AKAP6: variants seen among roughly 807,000 people sequenced by gnomAD.
AKAP6 encodes the protein A-kinase anchor protein 6.
In AKAP6, 58 loss-of-function variants were observed where a neutral mutation model predicts 188.5. That is an observed-to-expected ratio of 0.31 (90% CI 0.25 to 0.38). The LOEUF (loss-of-function observed/expected upper bound fraction) is 0.38. Among genes scored for constraint, AKAP6 ranks in the 10% least tolerant of loss-of-function variants. The pLI, the probability that AKAP6 is intolerant of heterozygous loss-of-function variation, is 1.00. For missense variants in AKAP6, 2,710 were observed against 2,740.0 expected (o/e 0.99, Z 0.24); for synonymous variants, 989 against 998.6 (o/e 0.99, Z 0.18).
At chr14:32,449,932 T>C (rs1890881708) in intron 2 of AKAP6, among the ~76,000 whole-genome samples, 1 of 152,186 alleles carries the variant, frequency 6.6e-6, no homozygotes, top group Non-Finnish European at 1.5e-5. Context: ...CAGCTTTTAA[T>C]GGCTGGAATG....
intron 2 of AKAP6, among the ~76,000 whole-genome samples, chr14:32,455,616 C>G (rs1891123677): frequency 6.6e-6 from 1 of 152,156 alleles, no homozygotes; most frequent in African/African-American, 2.4e-5. Context: ...GAGATTCTTC[C>G]TTGAAAATTA....
intron 11 of AKAP6, among the ~76,000 whole-genome samples, chr14:32,758,208 C>T (rs2032410652): frequency 6.6e-6 from 1 of 152,118 alleles, no homozygotes; most frequent in South Asian, 2.1e-4. Context: ...ACTTAGCCTC[C>T]TTATTCCGAA....
At chr14:32,521,157 C>G (rs140446131) in intron 2 of AKAP6, among the ~76,000 whole-genome samples, 2,839 of 152,192 alleles carry the variant, frequency 0.019, 70 homozygotes, top group African/African-American at 0.053. Flanking sequence ...TAAAAACTCT[C>G]AATAAATTAG....
chr14:32,707,574 G>A (rs1476333455), intron 9 of AKAP6, among the ~76,000 whole-genome samples: 1 of 152,030 alleles, frequency 6.6e-6, no homozygotes, highest in East Asian at 1.9e-4. Flanking sequence ...CCACGTGGAG[G>A]ATTCGTGTTA....
intron 7 of AKAP6, among the ~76,000 whole-genome samples, chr14:32,629,966 G>A (rs558906805): frequency 1.3e-5 from 2 of 152,118 alleles, no homozygotes; most frequent in Middle Eastern, 3.4e-3. Flanking sequence ...ACTTACTAAA[G>A]CGTTAGTTTG....
At chr14:32,434,092 G>T in intron 2 of AKAP6, 1 of 362,900 alleles carries the variant, frequency 2.8e-6, no homozygotes. Flanking sequence ...ATCAAAATAA[G>T]TTACACAGAA....
At chr14:32,755,034 A>G (rs1012388835) in intron 11 of AKAP6, among the ~76,000 whole-genome samples, 1 of 152,134 alleles carries the variant, frequency 6.6e-6, no homozygotes, top group Non-Finnish European at 1.5e-5. Context: ...CTGAATGTTC[A>G]TGTCCCTCTT....
rs149210712 is a variant in AKAP6 at position 32,692,993 on chromosome 14, C to T, written c.2880-2997C>T. Among the ~76,000 whole-genome samples, 454 of 152,270 alleles carry T rather than the reference C, an allele frequency of 3.0e-3. 5 individuals carry two copies. Among genetic ancestry groups the T allele is most frequent in the African/African-American group, 0.011 (441 of 41,542 alleles). On this transcript the variant is annotated intron_variant, in intron 8 of 13. Transcript: ENST00000280979. ...TCTTTAGGAAATACTCTCTTGGGATCAATACTCTGTTTTTCAGATTTTCTA... is the reference window on the plus strand; with the variant it reads ...TCTTTAGGAAATACTCTCTTGGGATTAATACTCTGTTTTTCAGATTTTCTA...
chr14:32,637,058 A>G (rs1887524680), intron 7 of AKAP6, among the ~76,000 whole-genome samples: 1 of 152,130 alleles, frequency 6.6e-6, no homozygotes, highest in Non-Finnish European at 1.5e-5. Context: ...TCCTTGGCCT[A>G]GCCTATCATC....
rs1311539793 is a variant in AKAP6 at position 32,732,523 on chromosome 14, A to G, written c.3070A>G (p.Lys1024Glu). The G allele has an allele frequency of 4.3e-6, 7 of 1,613,542 alleles. No homozygotes were observed. The highest frequency in any genetic ancestry group is 5.9e-6 in the Non-Finnish European group (7 of 1,179,672). Residue 1024 changes from lysine to glutamate, a missense_variant, in exon 10 of 14, where the codon AAG becomes GAG. By Grantham distance (56) the Lys-to-Glu change is moderately conservative (BLOSUM62 1). This residue lies in a region of AKAP6 where 2,473 missense variants were observed against 2,426.1 expected (regional missense o/e 1.02). Transcript: ENST00000280979. Reference protein sequence around the residue: ...TELLSKVEALKKGGVLLPNDL... With the variant: ...TELLSKVEALEKGGVLLPNDL... ...GCTGCTTAGTAAGGTTGAAGCTTTG[A>G]AGAAAGGTGGCGTTTTACTACCAAA...
chr14:32,445,317 CT>C (rs1890720995), intron 2 of AKAP6, among the ~76,000 whole-genome samples: 1 of 152,076 alleles, frequency 6.6e-6, no homozygotes, highest in Non-Finnish European at 1.5e-5. Flanking sequence ...AAAATGTCAT[CT>C]GCTTGGTTAA....
rs556152913 is a variant in AKAP6 at position 32,581,002 on chromosome 14, G to T, written c.2469+3760G>T. ...AGTCTTTGCTATTGTGAATAGTGCCGCAATAAACATACGTGTGCATGTGTC... is the reference window on the plus strand; with the variant it reads ...AGTCTTTGCTATTGTGAATAGTGCCTCAATAAACATACGTGTGCATGTGTC... On this transcript the variant is annotated intron_variant, in intron 5 of 13. Coordinates refer to ENST00000280979, the MANE Select transcript of AKAP6 (RefSeq NM_004274.5). Among the ~76,000 whole-genome samples the T allele has an allele frequency of 7.2e-5, 11 of 152,146 alleles. No individual in the cohort carries two copies. The East Asian group carries it at 1.5e-3, about 21-fold the overall frequency.
intron 9 of AKAP6, among the ~76,000 whole-genome samples, chr14:32,701,795 G>A (rs988223559): frequency 5.9e-5 from 9 of 151,924 alleles, no homozygotes; most frequent in African/African-American, 1.5e-4. Flanking sequence ...ACTAATTTCC[G>A]ATGTGATTTG....
chr14:32,757,205 A>T (rs947343980), intron 11 of AKAP6, among the ~76,000 whole-genome samples: 1 of 152,178 alleles, frequency 6.6e-6, no homozygotes, highest in Non-Finnish European at 1.5e-5. Context: ...CAAGTGCTGT[A>T]ATCTCTCATC....
chr14:32,630,006 A>G (rs1308310076), intron 7 of AKAP6, among the ~76,000 whole-genome samples: 3 of 152,122 alleles, frequency 2.0e-5, no homozygotes, highest in African/African-American at 7.2e-5. Context: ...GGAAAAGAAA[A>G]CTGCCTCCCA....
At chr14:32,643,736 T>C (rs555738009) in intron 7 of AKAP6, among the ~76,000 whole-genome samples, 42 of 152,318 alleles carry the variant, frequency 2.8e-4, no homozygotes, top group Non-Finnish European at 4.6e-4. Flanking sequence ...GTTTTCCTTA[T>C]GCCAACTGTA....
intron 12 of AKAP6, among the ~76,000 whole-genome samples, chr14:32,817,920 A>G (rs1335554720): frequency 6.6e-6 from 1 of 152,092 alleles, no homozygotes; most frequent in Non-Finnish European, 1.5e-5. Flanking sequence ...TTTTTTCCCA[A>G]AGAGAACTTT....
chr14:32,706,763 T>C (rs987094163), intron 9 of AKAP6, among the ~76,000 whole-genome samples: 2 of 152,070 alleles, frequency 1.3e-5, no homozygotes, highest in African/African-American at 2.4e-5. Context: ...GAAGGAGTGG[T>C]CTTCCTGCTG....
At chr14:32,758,710 G>C (rs2032433045) in intron 11 of AKAP6, among the ~76,000 whole-genome samples, 1 of 152,066 alleles carries the variant, frequency 6.6e-6, no homozygotes, top group Non-Finnish European at 1.5e-5. Context: ...TCCACCCTGG[G>C]CAACAAGAGT....
Sources: gnomAD v4.1 joint callset for allele counts (sites outside exome capture counted in the v4.1 genomes callset) on GRCh38, gnomAD v4.1.1 for gene constraint, gnomAD v4.1.1 regional missense constraint, MANE v1.5 for transcripts, NCBI Gene and HGNC (gene_info 2026-07-23, HGNC 2026-07-21) for gene names.